The following CPEB3 variants were observed in gnomAD, a reference collection of about 807,000 sequenced individuals.
CPEB3 encodes the protein cytoplasmic polyadenylation element binding protein 3, also known as cytoplasmic polyadenylation element-binding protein 3.
A neutral mutation model predicts 67.2 loss-of-function variants in CPEB3; 20 were observed. The ratio of observed to expected loss-of-function variants is 0.30; its 90% CI spans 0.21 to 0.43. CPEB3 has a LOEUF of 0.43. Among genes scored for constraint, CPEB3 ranks in the 20% least tolerant of loss-of-function variants. CPEB3 has a pLI of 1.00. For synonymous variants in CPEB3, 376 were observed against 393.1 expected (o/e 0.96, Z 0.51); for missense variants, 746 against 968.6 (o/e 0.77, Z 3.05).
chr10:92,068,553 A>T (rs917504496), intron 9 of CPEB3, among the ~76,000 whole-genome samples: 1 of 152,196 alleles, frequency 6.6e-6, no homozygotes, highest in Non-Finnish European at 1.5e-5. Flanking sequence ...TTCTACTGAG[A>T]TAAGTATTTA....
intron 9 of CPEB3, among the ~76,000 whole-genome samples, chr10:92,078,887 G>C (rs1342272214): frequency 2.0e-5 from 3 of 152,134 alleles, no homozygotes; most frequent in Non-Finnish European, 4.4e-5. Flanking sequence ...GGGGCTCAAT[G>C]ACTACTATAA....
chr10:92,229,986 C>T (rs555142045), intron 2 of CPEB3, among the ~76,000 whole-genome samples: 8 of 151,696 alleles, frequency 5.3e-5, no homozygotes, highest in African/African-American at 1.2e-4. Flanking sequence ...GCGGAGGTTG[C>T]GGTGAGCCGA....
chr10:92,174,001 TTAATC>T (rs1323957006), intron 4 of CPEB3, among the ~76,000 whole-genome samples: 5 of 152,238 alleles, frequency 3.3e-5, no homozygotes, highest in Admixed American at 2.6e-4. Flanking sequence ...CAAAATGTCT[TTAATC>T]TGAGAATCTC....
chr10:92,239,360 G>A lies in CPEB3; in HGVS notation c.991C>T (p.Leu331=), dbSNP rs920688032. The A allele has an allele frequency of 1.9e-6, 3 of 1,605,908 alleles. No individual in the cohort carries two copies. Among genetic ancestry groups the A allele is most frequent in the Non-Finnish European group, 2.5e-6 (3 of 1,176,492 alleles). The change falls in exon 2 of 10, where the codon CTG becomes TTG. Residue 331 remains leucine, a synonymous_variant. Transcript: ENST00000265997. The surrounding 1 kb of genome is among the most constrained non-coding windows in gnomAD (Gnocchi z 6.0). ...CAGAGTATTACCTGAAATGGCAACAGATTGTTACCATTATCGGTCCGGAAA... is the reference window on the plus strand; with the variant it reads ...CAGAGTATTACCTGAAATGGCAACAAATTGTTACCATTATCGGTCCGGAAA... ...NAFRTDNGNN[L]LPFQDRSRPY...
rs1053520631 is a variant in CPEB3, at chr10:92,136,794, C to T, written c.1453+6235G>A. The T allele has an allele frequency of 7.2e-5, 11 of 152,468 alleles. No homozygotes were observed. The East Asian group carries it at 7.7e-4, about 11-fold the overall frequency. The allele number at this position is 152,468 out of a possible 1,614,324, so 9.4% of individuals were successfully genotyped here. A position where few individuals can be genotyped will look rare whatever the true frequency, so the allele number is the denominator to read the frequency against. On this transcript the variant is annotated intron_variant, in intron 6 of 9. Transcript: ENST00000265997. ...CAGGCTGGTCTCGAACTCCTGACCTCGTGATCTGCCCGCCTCAGCCTCTCA... is the reference window on the plus strand; with the variant it reads ...CAGGCTGGTCTCGAACTCCTGACCTTGTGATCTGCCCGCCTCAGCCTCTCA...
chr10:92,287,537 C>T (rs150377394), intron 1 of CPEB3, among the ~76,000 whole-genome samples: 9 of 152,244 alleles, frequency 5.9e-5, no homozygotes, highest in Non-Finnish European at 1.0e-4. Flanking sequence ...TTATCAATCA[C>T]TATTTTTGCC....
chr10:92,204,403 A>T (rs757012793), intron 2 of CPEB3: 2 of 152,238 alleles, frequency 1.3e-5, no homozygotes, highest in Non-Finnish European at 2.9e-5. Context: ...TTGGGCTAGC[A>T]GCTTTCTAGG....
intron 9 of CPEB3, among the ~76,000 whole-genome samples, chr10:92,067,116 TA>T (rs979110567): frequency 3.3e-5 from 5 of 151,218 alleles, no homozygotes; most frequent in African/African-American, 7.2e-5. Context: ...ATTTTATTAA[TA>T]AAAAAACTAA....
intron 1 of CPEB3, among the ~76,000 whole-genome samples, chr10:92,286,855 T>A (rs1189331730): frequency 6.6e-6 from 1 of 151,772 alleles, no homozygotes; most frequent in African/African-American, 2.4e-5. Flanking sequence ...AACATTAGAG[T>A]GGTATATTAT....
chr10:92,203,131 C>T (rs769233734), intron 2 of CPEB3, among the ~76,000 whole-genome samples: 16 of 151,074 alleles, frequency 1.1e-4, no homozygotes, highest in Non-Finnish European at 1.5e-4. Context: ...TTAGTAGAGA[C>T]AGGGTTTCAC....
At chr10:92,186,436 ATTTTTT>A (rs373212390) in intron 3 of CPEB3, among the ~76,000 whole-genome samples, 1 of 143,226 alleles carries the variant, frequency 7.0e-6, no homozygotes, top group African/African-American at 2.6e-5. Flanking sequence ...AACTCAGGTG[ATTTTTT>A]TTTTTTTTTT....
At chr10:92,118,815 C>T (rs192166798) in intron 6 of CPEB3, 3 of 765,864 alleles carry the variant, frequency 3.9e-6, no homozygotes, top group Admixed American at 3.5e-5. Flanking sequence ...CCTGTATCTC[C>T]CCACGTCACT....
intron 1 of CPEB3, among the ~76,000 whole-genome samples, chr10:92,266,112 C>G (rs1172745527): frequency 6.6e-6 from 1 of 152,188 alleles, no homozygotes; most frequent in Non-Finnish European, 1.5e-5. Flanking sequence ...AGGGCCTCAA[C>G]AGATGTGGCA....
Position 92,091,878 on chromosome 10 carries a change from G to T in CPEB3, c.1639C>A (p.Pro547Thr). ...CCCCCAACAAAGATAGTTTTTCTGG[G>T]GTCCAAAGGCTGAGAACCATCCATT... ...FVMDGSQPLD[P>T]RKTIFVGGVP... is the part of the protein sequence containing the mutation. The change falls in exon 8 of 10, where the codon CCC becomes ACC. Residue 547 changes from proline to threonine, a missense_variant. Physicochemically the swap from Pro to Thr is conservative, Grantham distance 38. Around this residue, in one of 2 missense-constraint regions of CPEB3, gnomAD observed 103 missense variants for 251.1 expected, o/e 0.41. Coordinates refer to ENST00000265997, the MANE Select transcript of CPEB3 (RefSeq NM_014912.5). The T allele has an allele frequency of 6.2e-7, 1 of 1,613,626 alleles. No individual in the cohort carries two copies. The highest frequency in any genetic ancestry group is 8.5e-7 in the Non-Finnish European group (1 of 1,179,812).
chr10:92,053,966 G>A (rs900956541), intron 9 of CPEB3, among the ~76,000 whole-genome samples: 5 of 152,210 alleles, frequency 3.3e-5, no homozygotes, highest in African/African-American at 9.7e-5. Context: ...GATTACAGGC[G>A]TAAGCCACCA....
intron 6 of CPEB3, among the ~76,000 whole-genome samples, chr10:92,142,042 A>C (rs901173219): frequency 3.3e-5 from 5 of 151,262 alleles, no homozygotes; most frequent in East Asian, 1.9e-4. Context: ...ATAAAAACAA[A>C]AAAAAAAAAA....
chr10:92,120,193 C>T (rs1204751834), intron 6 of CPEB3, among the ~76,000 whole-genome samples: 2 of 150,256 alleles, frequency 1.3e-5, no homozygotes, highest in Non-Finnish European at 2.9e-5. Context: ...GGGCAGATCA[C>T]GAGGTCAGGA....
chr10:92,179,996 T>C lies in CPEB3; in HGVS notation c.1222+967A>G, dbSNP rs530801102. The stretch of plus-strand genomic sequence containing the variant: ...TATCTGGGAAGATGAGAGGGGACAA[T>C]CTGATATCACTCATTTACTAGAGGA... On this transcript the variant is annotated intron_variant, in intron 4 of 9. Transcript: ENST00000265997. Among the ~76,000 whole-genome samples the C allele has an allele frequency of 3.3e-5, 5 of 152,296 alleles. No homozygotes were observed. In the South Asian group the frequency reaches 8.3e-4, roughly 25 times the overall value.
chr10:92,181,114 TTAATC>T, intron 3 of CPEB3, 95 bp from the exon 4 acceptor site: 1 of 703,542 alleles, frequency 1.4e-6, no homozygotes, highest in Non-Finnish European at 2.4e-6. Flanking sequence ...CTAAAACAGA[TTAATC>T]TATAACAATG....
Sources: allele counts gnomAD v4.1 joint callset (sites outside exome capture counted in the v4.1 genomes callset), GRCh38; gene constraint gnomAD v4.1.1; regional missense constraint gnomAD v4.1.1; non-coding constraint Gnocchi (gnomAD v3.1); transcripts MANE v1.5; gene names NCBI Gene and HGNC (gene_info 2026-07-23, HGNC 2026-07-21).